Variants in PPP2R2A observed in about 807,000 individuals in gnomAD.
PPP2R2A encodes serine/threonine-protein phosphatase 2A 55 kDa regulatory subunit B alpha isoform.
A neutral mutation model predicts 53.2 loss-of-function variants in PPP2R2A; 9 were observed. The ratio of observed to expected loss-of-function variants is 0.17; its 90% CI spans 0.10 to 0.30. The LOEUF is 0.30. Ranked by LOEUF, PPP2R2A falls within the 10% of genes least tolerant of loss-of-function variation. PPP2R2A has a pLI of 1.00. For missense variants in PPP2R2A, 235 were observed against 534.6 expected, an observed-to-expected ratio of 0.44 and a Z score of 5.53; for synonymous variants, 169 against 174.2, an observed-to-expected ratio of 0.97 and a Z score of 0.23.
At position 26,369,627 on chromosome 8, in the gene PPP2R2A, C is replaced by A. The variant is rs528874697; in HGVS notation, c.1065-507C>A. ...CAGAATGGTCTCGATCTCCTGACGT[C>A]GTGATCTGCCCACCTTGGCCTCCCA... On this transcript the variant is annotated intron_variant, in intron 9 of 9. Coordinates refer to ENST00000380737, the MANE Select transcript of PPP2R2A (RefSeq NM_002717.4). 2.0e-5 allele frequency among the ~76,000 whole-genome samples: 3 copies of A among 152,298 alleles called. No individual in the cohort carries two copies. The East Asian group carries it at 5.8e-4, about 29-fold the overall frequency.
At chr8:26,323,705 C>T (rs1563297622) in intron 2 of PPP2R2A, among the ~76,000 whole-genome samples, 1 of 152,180 alleles carries the variant, frequency 6.6e-6, no homozygotes, top group Admixed American at 6.5e-5. Context: ...CTTCTATCCC[C>T]GTGGAGTTGG....
At chr8:26,317,065 G>A (rs1027956875) in intron 2 of PPP2R2A, among the ~76,000 whole-genome samples, 3 of 152,132 alleles carry the variant, frequency 2.0e-5, no homozygotes, top group South Asian at 2.1e-4. Context: ...AGGAATACTC[G>A]CCTGTTACTA....
At chr8:26,344,398 A>AT (rs1804103461) in intron 3 of PPP2R2A, among the ~76,000 whole-genome samples, 1 of 152,216 alleles carries the variant, frequency 6.6e-6, no homozygotes, top group Non-Finnish European at 1.5e-5. Flanking sequence ...AATAAAAAAA[A>AT]CTTTAATCCT....
chr8:26,336,622 C>T (rs1447179920), intron 2 of PPP2R2A, among the ~76,000 whole-genome samples: 1 of 152,252 alleles, frequency 6.6e-6, no homozygotes, highest in East Asian at 1.9e-4. Flanking sequence ...CGCTTGCAAA[C>T]TTCCAGCAGT....
chr8:26,360,726 A>G lies in PPP2R2A; in HGVS notation c.460-248A>G, dbSNP rs897228374. 2.1e-5 allele frequency: 9 copies of G among 436,366 alleles called. No individual in the cohort carries two copies. In the Admixed American group the frequency reaches 3.4e-4, roughly 16 times the overall value. The allele number at this position is 436,366 out of a possible 1,614,324, so 27.0% of individuals were successfully genotyped here. On this transcript the variant is annotated intron_variant, in intron 5 of 9. Transcript: ENST00000380737. This position sits in a 1 kb window ranked among gnomAD's most constrained non-coding sequence, Gnocchi z 4.5. The stretch of plus-strand genomic sequence containing the variant: ...TAGCTTGGCATGTCTTTCAAGCAAA[A>G]TATTGAAACTAAGAACTGCAAATTC...
chr8:26,369,718 C>T (rs981241373), intron 9 of PPP2R2A, among the ~76,000 whole-genome samples: 1 of 152,286 alleles, frequency 6.6e-6, no homozygotes, highest in African/African-American at 2.4e-5. Context: ...TAAGATAAAG[C>T]ATTGGTTTCT....
rs3824232 is a variant in PPP2R2A, at chr8:26,370,083, A to G, written c.1065-51A>G. On this transcript the variant is annotated intron_variant, in intron 9 of 9. Transcript: ENST00000380737. The surrounding 1 kb of genome is among the most constrained non-coding windows in gnomAD (Gnocchi z 6.1). ...TAATTGCCGAATCATTTTACTTGAAAACAATTTCTTGTTCTGCTTGTTTGA... is the reference window on the plus strand; with the variant it reads ...TAATTGCCGAATCATTTTACTTGAAGACAATTTCTTGTTCTGCTTGTTTGA... The G allele has an allele frequency of 6.4e-7, 1 of 1,558,484 alleles. No homozygotes were observed. The highest frequency in any genetic ancestry group is 8.7e-7 in the Non-Finnish European group (1 of 1,143,422).
In PPP2R2A at chr8:26,363,804, A is replaced by G. The variant is rs1187287577; in HGVS notation, c.886A>G (p.Ser296Gly). 16 of 1,609,728 alleles carry G rather than the reference A, an allele frequency of 9.9e-6. No homozygotes were observed. The highest frequency in any genetic ancestry group is 1.2e-5 in the Non-Finnish European group (14 of 1,176,818). ...TATTTCGGATGTAAAATTCAGCCAT[A>G]GTGGTCGATATATGATGACTAGAGA... ...SSISDVKFSH[S>G]GRYMMTRDYL... The change falls in exon 8 of 10, where the codon AGT becomes GGT. Residue 296 changes from serine (S) to glycine (G), a missense_variant. This residue lies in a region of PPP2R2A where 181 missense variants were observed against 409.9 expected (regional missense o/e 0.44). Coordinates refer to ENST00000380737, the MANE Select transcript of PPP2R2A (RefSeq NM_002717.4).
intron 3 of PPP2R2A, among the ~76,000 whole-genome samples, chr8:26,351,806 A>G (rs966497087): frequency 1.3e-5 from 2 of 152,158 alleles, no homozygotes; most frequent in African/African-American, 4.8e-5. Flanking sequence ...CACAGTCTTT[A>G]TGACTTTGCT....
In PPP2R2A at chr8:26,362,007, T is replaced by A. The variant is rs1238768281; in HGVS notation, c.638-677T>A. 3.2e-5 allele frequency among the ~76,000 whole-genome samples: 4 copies of A among 125,576 alleles called. No individual in the cohort carries two copies. Among genetic ancestry groups the A allele is most frequent in the Non-Finnish European group, 5.2e-5 (3 of 58,024 alleles). 82.4% of individuals were successfully genotyped at this position (125,576 alleles called of 152,430 possible). A position where few individuals can be genotyped will look rare whatever the true frequency, so the allele number is the denominator to read the frequency against. ...TTTATATATATTATATTAATTGATATTAAGATTAGATTAAGATTAGATTAA... is the reference window on the plus strand; with the variant it reads ...TTTATATATATTATATTAATTGATAATAAGATTAGATTAAGATTAGATTAA... On this transcript the variant is annotated intron_variant, in intron 6 of 9. Transcript: ENST00000380737. This position sits in a 1 kb window ranked among gnomAD's most constrained non-coding sequence, Gnocchi z 4.4.
At chr8:26,349,890 AG>A (rs1311216118) in intron 3 of PPP2R2A, among the ~76,000 whole-genome samples, 1 of 152,230 alleles carries the variant, frequency 6.6e-6, no homozygotes, top group Non-Finnish European at 1.5e-5. Context: ...TTATGCCCAT[AG>A]GGTAGGCATT....
intron 3 of PPP2R2A, chr8:26,350,801 C>G (rs913451247): frequency 6.6e-6 from 1 of 152,108 alleles, no homozygotes; most frequent in Non-Finnish European, 1.5e-5. Flanking sequence ...TGTCATTTTT[C>G]TTACTGATTT....
intron 3 of PPP2R2A, among the ~76,000 whole-genome samples, chr8:26,344,953 C>T (rs1292395284): frequency 9.9e-5 from 15 of 152,122 alleles, no homozygotes; most frequent in Admixed American, 9.8e-4. Flanking sequence ...GACCCAAGTC[C>T]TAAACACAAA....
Position 26,360,884 on chromosome 8 carries a change from A to G in PPP2R2A, c.460-90A>G, listed in dbSNP as rs1489666275. On this transcript the variant is annotated intron_variant, in intron 5 of 9. Transcript: ENST00000380737. This position sits in a 1 kb window ranked among gnomAD's most constrained non-coding sequence, Gnocchi z 4.5. Reference sequence around the variant, plus strand: ...AATATTGTTCTATTTTATGTTCTCAAAAACTGAAATAATGAAGTTTTCTGA... The same window carrying G: ...AATATTGTTCTATTTTATGTTCTCAGAAACTGAAATAATGAAGTTTTCTGA... 5.4e-6 allele frequency: 7 copies of G among 1,295,548 alleles called. No homozygotes were observed. Among genetic ancestry groups the G allele is most frequent in the African/African-American group, 4.6e-5 (3 of 65,538 alleles). The allele number at this position is 1,295,548 out of a possible 1,614,324, so 80.3% of individuals were successfully genotyped here.
intron 2 of PPP2R2A, among the ~76,000 whole-genome samples, chr8:26,313,706 G>A (rs1159042144): frequency 6.6e-6 from 1 of 152,264 alleles, no homozygotes; most frequent in African/African-American, 2.4e-5. Context: ...ATCAAAGGAG[G>A]AAGCAAGAGA....
At chr8:26,356,952 C>T (rs1337725435) in intron 4 of PPP2R2A, among the ~76,000 whole-genome samples, 8 of 152,124 alleles carry the variant, frequency 5.3e-5, no homozygotes. Flanking sequence ...TGTTTAAAGA[C>T]ATTAGAGAAT....
At chr8:26,293,128 T>C in intron 1 of PPP2R2A, 2 of 1,075,842 alleles carry the variant, frequency 1.9e-6, no homozygotes, top group Non-Finnish European at 2.6e-6. Flanking sequence ...TTTCTTTTCC[T>C]CTCTGTCTGG....
At position 26,338,923 on chromosome 8, in the gene PPP2R2A, C is replaced by G; in HGVS notation, c.116C>G (p.Ser39Cys). ...ATTTCTACAGTAGAATTTAATCATT[C>G]TGGAGAATTACTAGCAACAGGAGAT... Reference protein sequence around the residue: ...DIISTVEFNHSGELLATGDKG... With the variant: ...DIISTVEFNHCGELLATGDKG... The change falls in exon 3 of 10, where the codon TCT becomes TGT. Residue 39 changes from serine (S) to cysteine (C), a missense_variant. Ser to Cys is a moderately radical substitution (Grantham distance 112, BLOSUM62 -1). Transcript: ENST00000380737. This position sits in a 1 kb window ranked among gnomAD's most constrained non-coding sequence, Gnocchi z 4.5. 6.2e-7 allele frequency: 1 copy of G among 1,603,522 alleles called. No individual in the cohort carries two copies. The highest frequency in any genetic ancestry group is 8.5e-7 in the Non-Finnish European group (1 of 1,170,970).
At chr8:26,358,667 T>A (rs780446517) in intron 4 of PPP2R2A, among the ~76,000 whole-genome samples, 1 of 152,186 alleles carries the variant, frequency 6.6e-6, no homozygotes. Context: ...TATACTGTTA[T>A]AAACAATTTT....
Sources: gnomAD v4.1 joint callset for allele counts (sites outside exome capture counted in the v4.1 genomes callset) on GRCh38, gnomAD v4.1.1 for gene constraint, gnomAD v4.1.1 regional missense constraint, Gnocchi (gnomAD v3.1) non-coding constraint, MANE v1.5 for transcripts, NCBI Gene and HGNC (gene_info 2026-07-23, HGNC 2026-07-21) for gene names.